The following DNAL1 variants were observed in gnomAD, a reference collection of about 807,000 sequenced individuals.
The protein encoded by DNAL1 is chromosome 14 open reading frame 168.
Under a neutral mutation model 29.4 loss-of-function variants are expected in DNAL1, and 17 were observed. That is an observed-to-expected ratio of 0.58 (90% CI 0.40 to 0.87). The LOEUF (loss-of-function observed/expected upper bound fraction) is 0.87, where lower values mean the gene tolerates loss of function less well. Among genes scored for constraint, DNAL1 ranks in the 40% least tolerant of loss-of-function variants. The pLI, the probability that DNAL1 is intolerant of heterozygous loss-of-function variation, is 0.00. For synonymous variants in DNAL1, 78 were observed against 76.3 expected, an observed-to-expected ratio of 1.02 and a Z score of -0.12; for missense variants, 188 against 214.1, an observed-to-expected ratio of 0.88 and a Z score of 0.76.
At position 73,658,366 on chromosome 14, in the gene DNAL1, A is replaced by G. The variant is rs116167809; in HGVS notation, c.43-481A>G. Among the ~76,000 whole-genome samples, 1,011 of 152,246 alleles carry G rather than the reference A, an allele frequency of 6.6e-3. 16 individuals are homozygous for G. The highest frequency in any genetic ancestry group is 0.023 in the African/African-American group (948 of 41,546). ...ACATCCAATTTTGTTCTTTTTGCTC[A>G]GGATTGTTTTGGCTATTTGTGTTCT... On this transcript the variant is annotated intron_variant, in intron 2 of 7. Transcript: ENST00000553645.
At chr14:73,668,601 G>A (rs1023499063) in intron 4 of DNAL1, among the ~76,000 whole-genome samples, 1 of 152,118 alleles carries the variant, frequency 6.6e-6, no homozygotes, top group Non-Finnish European at 1.5e-5. Flanking sequence ...AAGTCCTGTA[G>A]TTGTGATCAA....
intron 2 of DNAL1, among the ~76,000 whole-genome samples, chr14:73,657,049 G>A (rs1595203488): frequency 6.6e-6 from 1 of 151,886 alleles, no homozygotes; most frequent in African/African-American, 2.4e-5. Flanking sequence ...CTCCCAAAGT[G>A]CTAGGATTAT....
At chr14:73,645,554 T>C (rs1302756638) in intron 1 of DNAL1, among the ~76,000 whole-genome samples, 2 of 152,178 alleles carry the variant, frequency 1.3e-5, no homozygotes, top group African/African-American at 4.8e-5. Context: ...CTGATGGATA[T>C]ATTAGAGCAG....
At chr14:73,669,900 T>C (rs2140041011) in intron 4 of DNAL1, among the ~76,000 whole-genome samples, 1 of 152,330 alleles carries the variant, frequency 6.6e-6, no homozygotes, top group Non-Finnish European at 1.5e-5. Flanking sequence ...AATACCTTGC[T>C]CTAAAAGCTC....
In DNAL1 at chr14:73,681,589, G is replaced by A. The variant is rs367902076; in HGVS notation, c.265-5670G>A. ...TGGAATCAAGCATGGACAACATAGC[G>A]AGACCCCATCTCTACCAAAAAAAAA... is the stretch of plus-strand genomic sequence containing the variant. On this transcript the variant is annotated intron_variant, in intron 5 of 7. Coordinates refer to ENST00000553645, the MANE Select transcript of DNAL1 (RefSeq NM_031427.4). Among the ~76,000 whole-genome samples, 25 of 115,404 alleles carry A rather than the reference G, an allele frequency of 2.2e-4. No homozygotes were observed. The South Asian group carries it at 3.3e-3, about 15-fold the overall frequency. 75.7% of individuals were successfully genotyped at this position (115,404 alleles called of 152,430 possible). A position where few individuals can be genotyped will look rare whatever the true frequency, so the allele number is the denominator to read the frequency against.
At chr14:73,669,077 C>A (rs940882991) in intron 4 of DNAL1, among the ~76,000 whole-genome samples, 3 of 152,118 alleles carry the variant, frequency 2.0e-5, no homozygotes, top group Non-Finnish European at 2.9e-5. Flanking sequence ...ATCCAAATGA[C>A]CTCATTTTAC....
chr14:73,667,326 A>G (rs996978923), intron 4 of DNAL1, among the ~76,000 whole-genome samples: 8 of 151,928 alleles, frequency 5.3e-5, no homozygotes, highest in Admixed American at 3.9e-4. Flanking sequence ...TTAGCCAGGC[A>G]TGGTGGCATG....
chr14:73,690,780 T>G (rs537637037), intron 7 of DNAL1, among the ~76,000 whole-genome samples: 1 of 152,064 alleles, frequency 6.6e-6, no homozygotes, highest in Admixed American at 6.6e-5. Flanking sequence ...GTTTAAAAAA[T>G]AAAGAAAGTT....
intron 1 of DNAL1, 78 bp from the exon 2 acceptor site, chr14:73,654,769 C>T: frequency 9.2e-7 from 1 of 1,083,140 alleles, no homozygotes; most frequent in Non-Finnish European, 1.3e-6. Flanking sequence ...AAAATAAATA[C>T]ATACATACAT....
intron 1 of DNAL1, among the ~76,000 whole-genome samples, chr14:73,651,502 G>A (rs953173251): frequency 5.3e-5 from 8 of 152,116 alleles, no homozygotes; most frequent in Admixed American, 2.0e-4. Context: ...TGGGGGAAGA[G>A]GATAAGGGTA....
chr14:73,677,619 T>G (rs1410860368), intron 5 of DNAL1, among the ~76,000 whole-genome samples: 1 of 148,756 alleles, frequency 6.7e-6, no homozygotes, highest in African/African-American at 2.5e-5. Flanking sequence ...TGCAGTGGCA[T>G]GATCTTGGCT....
rs935423083 is a variant in DNAL1 at position 73,698,478 on chromosome 14, C to T, written c.*2536C>T. 6.6e-6 allele frequency: 1 copy of T among 152,178 alleles called. No homozygotes were observed. The highest frequency in any genetic ancestry group is 2.4e-5 in the African/African-American group (1 of 41,424). The allele number at this position is 152,178 out of a possible 1,614,324, so 9.4% of individuals were successfully genotyped here. A position where few individuals can be genotyped will look rare whatever the true frequency, so the allele number is the denominator to read the frequency against. On this transcript the variant is annotated 3_prime_UTR_variant, in exon 8 of 8. Coordinates refer to ENST00000553645, the MANE Select transcript of DNAL1 (RefSeq NM_031427.4). ...TTATCTCTGTGCTTCCGGTTTAAGA[C>T]ATTACGCCATTTTAGTGGATCATTT...
chr14:73,687,691 T>G (rs1320893809), intron 6 of DNAL1, among the ~76,000 whole-genome samples: 1 of 152,078 alleles, frequency 6.6e-6, no homozygotes, highest in Non-Finnish European at 1.5e-5. Flanking sequence ...GCTAACACGG[T>G]GAAACCCCGT....
At chr14:73,689,305 TA>T in intron 6 of DNAL1, 69 bp from the exon 7 acceptor site, 1 of 1,530,190 alleles carries the variant, frequency 6.5e-7, no homozygotes, top group Non-Finnish European at 8.8e-7. Context: ...GTTCTGGGAT[TA>T]CAGGCGTGGA....
intron 4 of DNAL1, 60 bp downstream of exon 4, chr14:73,662,102 C>T (rs1595207359): frequency 1.8e-5 from 25 of 1,385,334 alleles, no homozygotes; most frequent in East Asian, 1.5e-4. Context: ...ATAAACATTC[C>T]GGAGACAATA....
At position 73,695,295 on chromosome 14, in the gene DNAL1, C is replaced by T. The variant is rs149403912; in HGVS notation, c.533-607C>T. 3.0e-3 allele frequency among the ~76,000 whole-genome samples: 449 copies of T among 151,400 alleles called. 1 individual carries two copies. The highest frequency in any genetic ancestry group is 1.0e-2 in the African/African-American group (411 of 41,264). ...CTGGTCTCCAACTCCTAGGCTTAAGCGCTTCTCTCATCTGGCCTCCCAAAG... is the reference window on the plus strand; with the variant it reads ...CTGGTCTCCAACTCCTAGGCTTAAGTGCTTCTCTCATCTGGCCTCCCAAAG... On this transcript the variant is annotated intron_variant, in intron 7 of 7. Transcript: ENST00000553645.
At chr14:73,695,085 T>G (rs1414022015) in intron 7 of DNAL1, among the ~76,000 whole-genome samples, 3 of 137,488 alleles carry the variant, frequency 2.2e-5, no homozygotes, top group African/African-American at 8.8e-5. Flanking sequence ...AGACAGGGTC[T>G]TACTCTGCCA....
intron 5 of DNAL1, among the ~76,000 whole-genome samples, chr14:73,676,315 T>C (rs56277391): frequency 0.027 from 4,162 of 152,234 alleles, 84 homozygotes; most frequent in Middle Eastern, 0.051. Flanking sequence ...TATAAATATG[T>C]GAAATATGCT....
chr14:73,674,222 T>A (rs1223996616), intron 5 of DNAL1, among the ~76,000 whole-genome samples: 3 of 152,190 alleles, frequency 2.0e-5, no homozygotes, highest in Admixed American at 1.3e-4. Context: ...TTCTTTCTGT[T>A]CCTTGACCAT....
Sources: gnomAD v4.1 joint callset for allele counts (sites outside exome capture counted in the v4.1 genomes callset) on GRCh38, gnomAD v4.1.1 for gene constraint, MANE v1.5 for transcripts, NCBI Gene and HGNC (gene_info 2026-07-23, HGNC 2026-07-21) for gene names.